AP1M1: variants seen among roughly 807,000 people sequenced by gnomAD.
AP1M1 encodes the protein adaptor related protein complex 1 subunit mu 1.
A neutral mutation model predicts 57.1 loss-of-function variants in AP1M1; 18 were observed. That is an observed-to-expected ratio of 0.32 (90% CI 0.22 to 0.47). The LOEUF (loss-of-function observed/expected upper bound fraction) is 0.47, where lower values mean the gene tolerates loss of function less well. AP1M1 is among the 20% of genes least tolerant of loss of function. The pLI is 1.00. For synonymous variants in AP1M1, 241 were observed against 237.9 expected, an observed-to-expected ratio of 1.01 and a Z score of -0.12; for missense variants, 362 against 593.5, an observed-to-expected ratio of 0.61 and a Z score of 4.05.
Position 16,237,835 on chromosome 19 carries a change from C to A in AP1M1, c.*3400C>A, listed in dbSNP as rs1057064560. 9 of 151,988 alleles carry A rather than the reference C, an allele frequency of 5.9e-5. No individual in the cohort carries two copies. Among genetic ancestry groups the A allele is most frequent in the African/African-American group, 1.9e-4 (8 of 41,460 alleles). 9.4% of individuals were successfully genotyped at this position (151,988 alleles called of 1,614,324 possible). On this transcript the variant is annotated 3_prime_UTR_variant, in exon 12 of 12. Coordinates refer to ENST00000291439, the MANE Select transcript of AP1M1 (RefSeq NM_032493.4). Reference sequence around the variant, plus strand: ...TAGATGCTATTTGCATCATGTCGGCCCCCCCCAAAAAAATTTTTTTTTTTG... The same window carrying A: ...TAGATGCTATTTGCATCATGTCGGCACCCCCCAAAAAAATTTTTTTTTTTG...
chr19:16,208,950 C>A, intron 4 of AP1M1, 80 bp from the exon 5 acceptor site: 1 of 1,532,886 alleles, frequency 6.5e-7, no homozygotes, highest in Non-Finnish European at 8.8e-7. Context: ...CCCCACCCAA[C>A]CCTGCCGAAA....
At chr19:16,233,703 G>T in intron 10 of AP1M1, 85 bp downstream of exon 10, 2 of 1,487,094 alleles carry the variant, frequency 1.3e-6, no homozygotes, top group South Asian at 1.3e-5. Context: ...TTGGGAAAGG[G>T]TGTCAGTCAG....
rs2145153233 is a variant in AP1M1, at chr19:16,244,111, G to A, written c.*9676G>A. The stretch of plus-strand genomic sequence containing the variant: ...GCAAAAGATACTTAAAGCAGCCAGA[G>A]GTAAAGACACATCACCTTCAGACAT... On this transcript the variant is annotated 3_prime_UTR_variant, in exon 12 of 12. Transcript: ENST00000291439. 6.6e-6 allele frequency: 1 copy of A among 152,294 alleles called. No homozygotes were observed. The highest frequency in any genetic ancestry group is 3.4e-3 in the Middle Eastern group (1 of 294). The allele number at this position is 152,294 out of a possible 1,614,324, so 9.4% of individuals were successfully genotyped here. A position where few individuals can be genotyped will look rare whatever the true frequency, so the allele number is the denominator to read the frequency against.
At position 16,224,679 on chromosome 19, in the gene AP1M1, C is replaced by T. The variant is rs537551549; in HGVS notation, c.547-1742C>T. Among the ~76,000 whole-genome samples, 12 of 152,324 alleles carry T rather than the reference C, an allele frequency of 7.9e-5. No individual in the cohort carries two copies. In the East Asian group the frequency reaches 9.7e-4, roughly 12 times the overall value. On this transcript the variant is annotated intron_variant, in intron 5 of 11. Transcript: ENST00000291439. ...GCTCCACTCCCTGGGCCTGCTCTCG[C>T]GGCATTCACGACCTCATGTGTTCAG...
Position 16,203,762 on chromosome 19 carries a change from G to A in AP1M1, c.199+147G>A, listed in dbSNP as rs983310290. The A allele has an allele frequency of 2.1e-5, 17 of 807,632 alleles. No homozygotes were observed. The highest frequency in any genetic ancestry group is 1.5e-4 in the Admixed American group (5 of 33,324). The allele number at this position is 807,632 out of a possible 1,614,324, so 50.0% of individuals were successfully genotyped here. On this transcript the variant is annotated intron_variant, in intron 2 of 11. Coordinates refer to ENST00000291439, the MANE Select transcript of AP1M1 (RefSeq NM_032493.4). The surrounding 1 kb of genome is among the most constrained non-coding windows in gnomAD (Gnocchi z 4.6). ...CCTCCTGGAGCTCCCTGCTGCCTGCGGAGACAGGCAGACAATGCACGATGA... is the reference window on the plus strand; with the variant it reads ...CCTCCTGGAGCTCCCTGCTGCCTGCAGAGACAGGCAGACAATGCACGATGA...
At chr19:16,200,528 C>G (rs931099562) in intron 1 of AP1M1, among the ~76,000 whole-genome samples, 5 of 152,158 alleles carry the variant, frequency 3.3e-5, no homozygotes, top group African/African-American at 1.2e-4. Context: ...CCTTCCCTTC[C>G]TCTGCAACCA....
Position 16,209,109 on chromosome 19 carries a change from C to T in AP1M1, c.478C>T (p.Arg160Trp). ...CACCGTCACCAACGCGGTGTCCTGG[C>T]GGTCCGAAGGCATCAAGTATCGGAA... ...PATVTNAVSW[R>W]SEGIKYRKNE... The change falls in exon 5 of 12, where the codon CGG (arginine) becomes TGG (tryptophan). Residue 160 changes from arginine to tryptophan, a missense_variant. This residue lies in a region of AP1M1 where 337 missense variants were observed against 511.1 expected (regional missense o/e 0.66). Coordinates refer to ENST00000291439, the MANE Select transcript of AP1M1 (RefSeq NM_032493.4). 1 of 1,614,232 alleles carries T rather than the reference C, an allele frequency of 6.2e-7. No homozygotes were observed. The highest frequency in any genetic ancestry group is 8.5e-7 in the Non-Finnish European group (1 of 1,180,036).
rs1372810996 is a variant in AP1M1, at chr19:16,238,764, G to T, written c.*4329G>T. 1 of 145,666 alleles carries T rather than the reference G, an allele frequency of 6.9e-6. No individual in the cohort carries two copies. Among genetic ancestry groups the T allele is most frequent in the Non-Finnish European group, 1.5e-5 (1 of 67,566 alleles). The allele number at this position is 145,666 out of a possible 1,614,324, so 9.0% of individuals were successfully genotyped here. A position where few individuals can be genotyped will look rare whatever the true frequency, so the allele number is the denominator to read the frequency against. On this transcript the variant is annotated 3_prime_UTR_variant, in exon 12 of 12. Coordinates refer to ENST00000291439, the MANE Select transcript of AP1M1 (RefSeq NM_032493.4). ...TGACAGGGTGTCACTCTGTTGCCCA[G>T]GCCAAAGTGCAGTGGCATGGTCACG...
intron 5 of AP1M1, among the ~76,000 whole-genome samples, chr19:16,221,660 C>T (rs898875749): frequency 2.6e-5 from 4 of 152,190 alleles, no homozygotes; most frequent in Non-Finnish European, 4.4e-5. Context: ...ATCTAACATC[C>T]TTTATGTCTA....
intron 5 of AP1M1, among the ~76,000 whole-genome samples, chr19:16,209,544 T>C (rs1035064487): frequency 6.6e-6 from 1 of 151,826 alleles, no homozygotes; most frequent in Non-Finnish European, 1.5e-5. Context: ...AATCCATACA[T>C]GCACATTATT....
intron 1 of AP1M1, among the ~76,000 whole-genome samples, chr19:16,200,355 G>A (rs2091441926): frequency 6.6e-6 from 1 of 152,176 alleles, no homozygotes; most frequent in African/African-American, 2.4e-5. Flanking sequence ...GGGGCAGCCT[G>A]CTGGGGCTGC....
rs1004297991 is a variant in AP1M1 at position 16,244,586 on chromosome 19, T to C, written c.*10151T>C. ...AGGAGAATAAATAACATGGATACAC[T>C]TTGGGAGGCCGAGGCGGGCGGATCA... On this transcript the variant is annotated 3_prime_UTR_variant, in exon 12 of 12. Coordinates refer to ENST00000291439, the MANE Select transcript of AP1M1 (RefSeq NM_032493.4). 5.3e-5 allele frequency: 8 copies of C among 152,128 alleles called. No homozygotes were observed. Among genetic ancestry groups the C allele is most frequent in the African/African-American group, 1.9e-4 (8 of 41,432 alleles). The allele number at this position is 152,128 out of a possible 1,614,324, so 9.4% of individuals were successfully genotyped here. A position where few individuals can be genotyped will look rare whatever the true frequency, so the allele number is the denominator to read the frequency against.
chr19:16,227,869 C>G lies in AP1M1; in HGVS notation c.816+179C>G, dbSNP rs2091577981. 6.6e-6 allele frequency among the ~76,000 whole-genome samples: 1 copy of G among 152,160 alleles called. No homozygotes were observed. Among genetic ancestry groups the G allele is most frequent in the Non-Finnish European group, 1.5e-5 (1 of 68,022 alleles). ...CGAGCTTTCTGAGGGGCACAGACCC[C>G]TTTGGCCACCACCACCCCTTTCCCA... On this transcript the variant is annotated intron_variant, in intron 7 of 11. Transcript: ENST00000291439. The surrounding 1 kb of genome is among the most constrained non-coding windows in gnomAD (Gnocchi z 6.2).
chr19:16,225,374 G>A lies in AP1M1; in HGVS notation c.547-1047G>A, dbSNP rs144708431. ...CACTTGCTGGTGTGAGCATGGCCTC[G>A]TGCAGCATAGCAGTGTGCAGTGGTG... is the stretch of plus-strand genomic sequence containing the variant. On this transcript the variant is annotated intron_variant, in intron 5 of 11. Transcript: ENST00000291439. Among the ~76,000 whole-genome samples, 308 of 148,668 alleles carry A rather than the reference G, an allele frequency of 2.1e-3. 2 individuals carry two copies. Among genetic ancestry groups the A allele is most frequent in the African/African-American group, 7.2e-3 (297 of 41,026 alleles).
At chr19:16,216,570 T>C (rs35146437) in intron 5 of AP1M1, among the ~76,000 whole-genome samples, 100,451 of 152,148 alleles carry the variant, frequency 0.66, 35,380 homozygotes, top group Non-Finnish European at 0.8. Context: ...CTGATATTCC[T>C]TTAGTCTTTG....
chr19:16,230,162 T>C (rs2091589893), intron 9 of AP1M1, among the ~76,000 whole-genome samples: 1 of 152,108 alleles, frequency 6.6e-6, no homozygotes, highest in Non-Finnish European at 1.5e-5. Flanking sequence ...TTCGAAGCCA[T>C]GCACAGGCAC....
chr19:16,197,973 C>A lies in AP1M1; in HGVS notation c.-54C>A. The A allele has an allele frequency of 9.1e-7, 1 of 1,099,120 alleles. No individual in the cohort carries two copies. The highest frequency in any genetic ancestry group is 1.1e-6 in the Non-Finnish European group (1 of 881,504). The allele number at this position is 1,099,120 out of a possible 1,614,324, so 68.1% of individuals were successfully genotyped here. On this transcript the variant is annotated 5_prime_UTR_variant, in exon 1 of 12. Transcript: ENST00000291439. ...TTGCTCAACGCCCAGCAGTCCCCAC[C>A]GTCGCTGCCGCCGCCACCGCCCTCG...
At chr19:16,212,233 G>GT (rs919478926) in intron 5 of AP1M1, among the ~76,000 whole-genome samples, 13 of 151,746 alleles carry the variant, frequency 8.6e-5, no homozygotes, top group African/African-American at 3.1e-4. Flanking sequence ...TCTGGTCCAG[G>GT]TTTTTTTTGG....
chr19:16,208,602 C>A (rs1391290884), intron 4 of AP1M1, among the ~76,000 whole-genome samples: 3 of 152,184 alleles, frequency 2.0e-5, no homozygotes, highest in Non-Finnish European at 2.9e-5. Flanking sequence ...AGGGGACAAG[C>A]AAGCAGACTC....
Sources: allele counts gnomAD v4.1 joint callset (sites outside exome capture counted in the v4.1 genomes callset), GRCh38; gene constraint gnomAD v4.1.1; regional missense constraint gnomAD v4.1.1; non-coding constraint Gnocchi (gnomAD v3.1); transcripts MANE v1.5; gene names NCBI Gene and HGNC (gene_info 2026-07-23, HGNC 2026-07-21).